The following SCAPER variants were observed in gnomAD, a reference collection of about 807,000 sequenced individuals.
SCAPER encodes S-phase cyclin A associated protein in the ER.
Under a neutral mutation model 182.2 loss-of-function variants are expected in SCAPER, and 98 were observed. The observed-to-expected ratio is 0.54, with a 90% CI of 0.46 to 0.64. SCAPER has a LOEUF of 0.64. Among genes scored for constraint, SCAPER ranks in the 30% least tolerant of loss-of-function variants. The pLI is 0.00. For synonymous variants in SCAPER, 605 were observed against 564.6 expected (o/e 1.07, Z -1.01); for missense variants, 1,432 against 1,690.0 (o/e 0.85, Z 2.68).
intron 24 of SCAPER, among the ~76,000 whole-genome samples, chr15:76,495,570 T>C (rs2040411264): frequency 8.1e-6 from 1 of 123,076 alleles, no homozygotes; most frequent in South Asian, 2.6e-4. Context: ...AGAGCAAGAC[T>C]TGGTCTCAAA....
chr15:76,768,729 C>T (rs1032966535), intron 10 of SCAPER, among the ~76,000 whole-genome samples: 11 of 151,852 alleles, frequency 7.2e-5, no homozygotes, highest in Non-Finnish European at 1.3e-4. Flanking sequence ...GATTTCAGTA[C>T]CCCTCTTTCA....
chr15:76,678,049 CT>C (rs1405061804), intron 20 of SCAPER, among the ~76,000 whole-genome samples: 3 of 151,906 alleles, frequency 2.0e-5, no homozygotes, highest in African/African-American at 7.2e-5. Flanking sequence ...AAATAATCTC[CT>C]TCCCATTATT....
intron 16 of SCAPER, among the ~76,000 whole-genome samples, chr15:76,732,465 G>A (rs2060971856): frequency 6.6e-6 from 1 of 152,150 alleles, no homozygotes; most frequent in South Asian, 2.1e-4. Flanking sequence ...GAAGTGACCA[G>A]AAGACAAGAG....
intron 21 of SCAPER, among the ~76,000 whole-genome samples, chr15:76,622,707 G>A (rs2052205714): frequency 6.6e-6 from 1 of 152,154 alleles, no homozygotes; most frequent in African/African-American, 2.4e-5. Context: ...TGAAAGGTGG[G>A]AAAAGTAACA....
At chr15:76,637,753 T>TGA (rs2053751515) in intron 21 of SCAPER, among the ~76,000 whole-genome samples, 1 of 34,824 alleles carries the variant, frequency 2.9e-5, no homozygotes, top group African/African-American at 9.9e-5. Flanking sequence ...TGTGTGTGTG[T>TGA]GTGTGTGTGT....
At chr15:76,738,279 C>A (rs1369568804) in intron 15 of SCAPER, among the ~76,000 whole-genome samples, 1 of 152,066 alleles carries the variant, frequency 6.6e-6, no homozygotes, top group African/African-American at 2.4e-5. Context: ...TAAGCATGTG[C>A]GACCACATCT....
chr15:76,823,059 T>C (rs1055123875), intron 5 of SCAPER, among the ~76,000 whole-genome samples: 1 of 152,212 alleles, frequency 6.6e-6, no homozygotes, highest in African/African-American at 2.4e-5. Context: ...AAATGATCAT[T>C]TGTATTATAA....
intron 8 of SCAPER, among the ~76,000 whole-genome samples, chr15:76,781,217 G>A (rs1000427505): frequency 1.1e-4 from 16 of 152,296 alleles, no homozygotes; most frequent in South Asian, 6.2e-4. Context: ...ACTGAAAACC[G>A]TGGCAAGAGA....
At chr15:76,764,443 T>G (rs62028733) in intron 14 of SCAPER, among the ~76,000 whole-genome samples, 10,206 of 152,338 alleles carry the variant, frequency 0.067, 380 homozygotes, top group Middle Eastern at 0.11. Flanking sequence ...ATGGGGGCCA[T>G]GGCCAGCTGT....
intron 23 of SCAPER, among the ~76,000 whole-genome samples, chr15:76,537,732 C>T (rs1470458871): frequency 1.3e-5 from 2 of 152,110 alleles, no homozygotes; most frequent in African/African-American, 4.8e-5. Context: ...TCCAATTAAA[C>T]TAAAGAGCTT....
At chr15:76,860,574 A>G (rs1283786177) in intron 3 of SCAPER, among the ~76,000 whole-genome samples, 1 of 152,202 alleles carries the variant, frequency 6.6e-6, no homozygotes, top group Non-Finnish European at 1.5e-5. Context: ...ACATATGGAA[A>G]TTCACTCTAC....
chr15:76,514,081 G>A (rs1051930658), intron 23 of SCAPER, among the ~76,000 whole-genome samples: 1 of 152,178 alleles, frequency 6.6e-6, no homozygotes, highest in African/African-American at 2.4e-5. Flanking sequence ...CAGGTATCAA[G>A]CAAAGTGTTT....
intron 2 of SCAPER, among the ~76,000 whole-genome samples, chr15:76,863,697 T>C (rs2072051144): frequency 6.6e-6 from 1 of 152,166 alleles, no homozygotes; most frequent in East Asian, 1.9e-4. Flanking sequence ...CCTGCTGGTG[T>C]TCATGCCCTC....
At chr15:76,637,197 C>T (rs2053673613) in intron 21 of SCAPER, among the ~76,000 whole-genome samples, 1 of 152,088 alleles carries the variant, frequency 6.6e-6, no homozygotes, top group Non-Finnish European at 1.5e-5. Flanking sequence ...CATCTCTACA[C>T]ACCACTAATC....
chr15:76,881,639 A>T (rs2073545399), intron 2 of SCAPER, among the ~76,000 whole-genome samples: 1 of 152,234 alleles, frequency 6.6e-6, no homozygotes, highest in Non-Finnish European at 1.5e-5. Flanking sequence ...ACAAAAAGAC[A>T]AATACTGGAT....
intron 2 of SCAPER, among the ~76,000 whole-genome samples, chr15:76,877,565 G>A (rs1388153800): frequency 6.6e-6 from 1 of 152,186 alleles, no homozygotes; most frequent in Non-Finnish European, 1.5e-5. Flanking sequence ...TTAACAAGCA[G>A]GATGAATTCA....
In SCAPER at chr15:76,793,427, T is replaced by C. The variant is rs1598763104; in HGVS notation, c.772+1853A>G. ...CAAGGCAGTATTAGAACACTGGGAC[T>C]TTCAGCCCCAACTCCTCAGCCTTCA... On this transcript the variant is annotated intron_variant, in intron 8 of 31. Coordinates refer to ENST00000563290, the MANE Select transcript of SCAPER (RefSeq NM_020843.4). 6 of 549,408 alleles carry C rather than the reference T, an allele frequency of 1.1e-5. No individual in the cohort carries two copies. The East Asian group carries it at 1.9e-4, about 17-fold the overall frequency. 34.0% of individuals were successfully genotyped at this position (549,408 alleles called of 1,614,324 possible).
At chr15:76,635,841 T>A (rs2053549591) in intron 21 of SCAPER, among the ~76,000 whole-genome samples, 1 of 152,244 alleles carries the variant, frequency 6.6e-6, no homozygotes, top group African/African-American at 2.4e-5. Context: ...CTTCATTCTA[T>A]TAATATGGTA....
At chr15:76,425,575 C>T (rs2046363571) in intron 26 of SCAPER, among the ~76,000 whole-genome samples, 1 of 152,148 alleles carries the variant, frequency 6.6e-6, no homozygotes, top group Non-Finnish European at 1.5e-5. Flanking sequence ...CCTCCTTTAG[C>T]TCTGAGAAGT....
Sources: gnomAD v4.1 joint callset for allele counts (sites outside exome capture counted in the v4.1 genomes callset) on GRCh38, gnomAD v4.1.1 for gene constraint, MANE v1.5 for transcripts, NCBI Gene and HGNC (gene_info 2026-07-23, HGNC 2026-07-21) for gene names.